NUMB: variants seen among roughly 807,000 people sequenced by gnomAD.
NUMB encodes the protein protein numb homolog.
In NUMB, 29 loss-of-function variants were observed where a neutral mutation model predicts 59.7. The observed-to-expected ratio is 0.49, with a 90% CI of 0.36 to 0.66. The LOEUF is 0.66. Among genes scored for constraint, NUMB ranks in the 30% least tolerant of loss-of-function variants. The probability of loss-of-function intolerance (pLI) is 0.00; values close to 1 mark genes in which losing one functional copy is unlikely to be tolerated. For synonymous variants in NUMB, 288 were observed against 288.2 expected, an observed-to-expected ratio of 1.00 and a Z score of 0.01; for missense variants, 723 against 822.0, an observed-to-expected ratio of 0.88 and a Z score of 1.47.
intron 2 of NUMB, among the ~76,000 whole-genome samples, chr14:73,386,597 C>T (rs1312547348): frequency 6.6e-6 from 1 of 152,162 alleles, no homozygotes; most frequent in Admixed American, 6.5e-5. Flanking sequence ...GAATAACTCT[C>T]CCTTAGGCTC....
intron 1 of NUMB, among the ~76,000 whole-genome samples, chr14:73,443,256 G>A (rs1045957421): frequency 6.6e-6 from 1 of 152,168 alleles, no homozygotes; most frequent in African/African-American, 2.4e-5. Flanking sequence ...GGTGGGGGAA[G>A]AGAACTATAC....
At chr14:73,313,683 A>AAAAG in intron 6 of NUMB, among the ~76,000 whole-genome samples, 1 of 150,852 alleles carries the variant, frequency 6.6e-6, no homozygotes, top group South Asian at 2.1e-4. Context: ...AAAAAAAAAA[A>AAAAG]AATCCAAAAT....
At chr14:73,299,366 G>T (rs1889969929) in intron 6 of NUMB, 1 of 151,952 alleles carries the variant, frequency 6.6e-6, no homozygotes, top group African/African-American at 2.4e-5. Context: ...TGGTAGTATG[G>T]GTATGCTTCA....
Position 73,276,771 on chromosome 14 carries a change from G to A in NUMB, c.1763C>T (p.Ala588Val), listed in dbSNP as rs923710394. Residue 588 changes from alanine to valine, a missense_variant, in exon 13 of 13, where the codon GCT (alanine) becomes GTT (valine). Physicochemically the swap from Ala to Val is moderately conservative, Grantham distance 64 (BLOSUM62 0). This residue lies in a region of NUMB where 406 missense variants were observed against 385.4 expected (regional missense o/e 1.05). Transcript: ENST00000555238. ...PPAQHLNGSA[A>V]FNGVDDGRLA... ...CCTGCCATCATCTACACCATTGAAAGCTGCAGAACCGTTGAGGTGCTGAGC... is the reference window on the plus strand; with the variant it reads ...CCTGCCATCATCTACACCATTGAAAACTGCAGAACCGTTGAGGTGCTGAGC... 6.2e-7 allele frequency: 1 copy of A among 1,614,222 alleles called. No individual in the cohort carries two copies. The highest frequency in any genetic ancestry group is 8.5e-7 in the Non-Finnish European group (1 of 1,180,046).
intron 6 of NUMB, among the ~76,000 whole-genome samples, chr14:73,313,668 G>GAAAAAAAAAAA (rs10582204): frequency 4.2e-4 from 52 of 124,092 alleles, no homozygotes; most frequent in African/African-American, 1.6e-3. Context: ...TCCAAAATCT[G>GAAAAAAAAAAA]AAAAAAAAAA....
chr14:73,378,529 C>G (rs1467581229), intron 2 of NUMB, among the ~76,000 whole-genome samples: 1 of 152,004 alleles, frequency 6.6e-6, no homozygotes, highest in Non-Finnish European at 1.5e-5. Flanking sequence ...AATAGATAAA[C>G]AAACTGTGGT....
chr14:73,376,241 C>T (rs138723994), intron 2 of NUMB, among the ~76,000 whole-genome samples: 1 of 152,142 alleles, frequency 6.6e-6, no homozygotes, highest in South Asian at 2.1e-4. Flanking sequence ...AAGTCAATCA[C>T]TTTCCTATAT....
At chr14:73,288,943 G>T (rs1889205498) in intron 8 of NUMB, among the ~76,000 whole-genome samples, 1 of 151,966 alleles carries the variant, frequency 6.6e-6, no homozygotes, top group South Asian at 2.1e-4. Context: ...CTACTTGGGA[G>T]GTGGGAGGAT....
intron 2 of NUMB, among the ~76,000 whole-genome samples, chr14:73,377,952 T>C (rs903647146): frequency 6.6e-6 from 1 of 151,258 alleles, no homozygotes; most frequent in Admixed American, 6.6e-5. Flanking sequence ...GAGATAGATA[T>C]ATATACACAC....
intron 4 of NUMB, among the ~76,000 whole-genome samples, chr14:73,345,987 T>C (rs552768292): frequency 6.6e-6 from 1 of 152,278 alleles, no homozygotes; most frequent in African/African-American, 2.4e-5. Flanking sequence ...TGTGGTAACT[T>C]GAATAGCATA....
chr14:73,423,027 A>G (rs979519326), intron 1 of NUMB, among the ~76,000 whole-genome samples: 1 of 152,090 alleles, frequency 6.6e-6, no homozygotes, highest in Non-Finnish European at 1.5e-5. Context: ...TATTCTTTTC[A>G]TATTACTTAT....
intron 1 of NUMB, among the ~76,000 whole-genome samples, chr14:73,411,840 T>C (rs1409217604): frequency 6.6e-6 from 1 of 151,984 alleles, no homozygotes; most frequent in African/African-American, 2.4e-5. Flanking sequence ...TGAATATACA[T>C]GCATGTTTTA....
chr14:73,349,771 T>C (rs979185801), intron 4 of NUMB, among the ~76,000 whole-genome samples: 5 of 150,800 alleles, frequency 3.3e-5, no homozygotes, highest in Admixed American at 1.3e-4. Context: ...CCCAGCTACT[T>C]GGGAGGCTGA....
intron 2 of NUMB, among the ~76,000 whole-genome samples, chr14:73,387,956 CAAAAAAA>C (rs66701940): frequency 1.2e-3 from 112 of 94,386 alleles, no homozygotes; most frequent in South Asian, 4.8e-3. Flanking sequence ...CTGTCTCTAC[CAAAAAAA>C]AAAAAAAAAA....
chr14:73,396,805 C>T (rs1896160466), intron 2 of NUMB, among the ~76,000 whole-genome samples: 2 of 152,094 alleles, frequency 1.3e-5, no homozygotes, highest in South Asian at 4.1e-4. Flanking sequence ...TAGCATGTAT[C>T]AGAATCACCT....
In NUMB at chr14:73,430,893, C is replaced by T. The variant is rs570603682; in HGVS notation, c.-232-20825G>A. Among the ~76,000 whole-genome samples the T allele has an allele frequency of 9.9e-5, 15 of 151,744 alleles. 1 individual carries two copies. The East Asian group carries it at 2.3e-3, about 24-fold the overall frequency. On this transcript the variant is annotated intron_variant, in intron 1 of 12. Transcript: ENST00000555238. ...CAGGGAGGCGGAGCTTGCAGTGAGCCGAGATTGCGCCACTGCACTCCAGCC... is the reference window on the plus strand; with the variant it reads ...CAGGGAGGCGGAGCTTGCAGTGAGCTGAGATTGCGCCACTGCACTCCAGCC...
chr14:73,388,079 G>A (rs1215238815), intron 2 of NUMB, among the ~76,000 whole-genome samples: 2 of 151,846 alleles, frequency 1.3e-5, no homozygotes, highest in Non-Finnish European at 2.9e-5. Flanking sequence ...TTCCAGCTTG[G>A]GCGACCAAGT....
At chr14:73,337,455 T>C (rs1293656250) in intron 4 of NUMB, among the ~76,000 whole-genome samples, 1 of 152,222 alleles carries the variant, frequency 6.6e-6, no homozygotes, top group Non-Finnish European at 1.5e-5. Flanking sequence ...TAAGCCAAGA[T>C]AGTGCCACTG....
At chr14:73,438,090 C>G (rs1197073138) in intron 1 of NUMB, among the ~76,000 whole-genome samples, 1 of 152,174 alleles carries the variant, frequency 6.6e-6, no homozygotes, top group Non-Finnish European at 1.5e-5. Flanking sequence ...ACTTGTACAG[C>G]CATTCTAGAA....
Sources: gnomAD v4.1 joint callset for allele counts (sites outside exome capture counted in the v4.1 genomes callset) on GRCh38, gnomAD v4.1.1 for gene constraint, gnomAD v4.1.1 regional missense constraint, MANE v1.5 for transcripts, NCBI Gene and HGNC (gene_info 2026-07-23, HGNC 2026-07-21) for gene names.